Variants in TANC2 observed in about 807,000 individuals in gnomAD.
TANC2 encodes protein TANC2.
In TANC2, 26 loss-of-function variants were observed where a neutral mutation model predicts 210.5. The observed-to-expected ratio is 0.12, with a 90% CI of 0.09 to 0.17. TANC2 has a LOEUF of 0.17. Ranked by LOEUF, TANC2 falls within the 10% of genes least tolerant of loss-of-function variation. The pLI is 1.00. For synonymous variants in TANC2, 931 were observed against 967.1 expected (o/e 0.96, Z 0.69); for missense variants, 2,129 against 2,608.9 (o/e 0.82, Z 4.01).
exon 3 of TANC2, chr17:63,073,961 C>T (rs1407515069): frequency 2.5e-6 from 4 of 1,587,954 alleles, no homozygotes; most frequent in Non-Finnish European, 3.4e-6. Flanking sequence ...AGCGAGGAAC[C>T]ACCGGATCGA....
rs1162117818 is a variant in TANC2, at chr17:63,118,776, A to ATT, written c.322+19439_322+19440dup. ...AGGCATGTGCCACCATATCCAACTA[A>ATT]TTTTTTTTTTTTTTTTTTTTTGAGA... On this transcript the variant is annotated intron_variant, in intron 4 of 27. Coordinates refer to ENST00000689528, the Ensembl canonical transcript of TANC2. Among the ~76,000 whole-genome samples, 1,000 of 125,656 alleles carry ATT rather than the reference A, an allele frequency of 8.0e-3. 24 individuals carry two copies. Among genetic ancestry groups the ATT allele is most frequent in the African/African-American group, 0.022 (728 of 32,652 alleles). The allele number at this position is 125,656 out of a possible 152,430, so 82.4% of individuals were successfully genotyped here. A position where few individuals can be genotyped will look rare whatever the true frequency, so the allele number is the denominator to read the frequency against.
chr17:63,329,485 C>T (rs1007196523), intron 11 of TANC2, among the ~76,000 whole-genome samples: 1 of 152,178 alleles, frequency 6.6e-6, no homozygotes, highest in South Asian at 2.1e-4. Context: ...AAAAACTATT[C>T]TGTTGTCAAG....
chr17:63,398,521 T>C (rs1406561474), intron 18 of TANC2, among the ~76,000 whole-genome samples: 2 of 152,096 alleles, frequency 1.3e-5, no homozygotes, highest in Non-Finnish European at 2.9e-5. Context: ...ATGGCTTTTT[T>C]ATAGGGAGGA....
chr17:63,302,876 G>A (rs1017804629), intron 9 of TANC2, among the ~76,000 whole-genome samples: 1 of 152,004 alleles, frequency 6.6e-6, no homozygotes, highest in Non-Finnish European at 1.5e-5. Flanking sequence ...GGATCCTCCT[G>A]CCTCAGCCCC....
intron 25 of TANC2, among the ~76,000 whole-genome samples, chr17:63,415,200 C>G (rs1413584282): frequency 6.6e-6 from 1 of 152,178 alleles, no homozygotes; most frequent in African/African-American, 2.4e-5. Flanking sequence ...TTATAGAGAG[C>G]AAAGGAACTT....
chr17:63,313,448 C>T (rs947337313), intron 9 of TANC2: 2 of 152,144 alleles, frequency 1.3e-5, no homozygotes, highest in African/African-American at 4.8e-5. Context: ...TTTTAAAGCA[C>T]GTCACATCAA....
intron 9 of TANC2, among the ~76,000 whole-genome samples, chr17:63,299,817 T>C (rs1260265544): frequency 1.3e-5 from 2 of 152,222 alleles, no homozygotes; most frequent in Non-Finnish European, 2.9e-5. Context: ...TTGGCTTTTA[T>C]GGCAATTATT....
At chr17:63,005,261 T>A (rs2033566747) in intron 1 of TANC2, 1 of 152,246 alleles carries the variant, frequency 6.6e-6, no homozygotes, top group African/African-American at 2.4e-5. Flanking sequence ...GTAGTGTAGG[T>A]CTTTTTCTGG....
In TANC2 at chr17:63,418,356, C is replaced by T. The variant is rs1005228380; in HGVS notation, c.4217C>T (p.Pro1406Leu). The change falls in exon 27 of 28, where the codon CCG becomes CTG. Residue 1406 changes from proline (P) to leucine (L), a missense_variant. Pro to Leu is a moderately conservative substitution (Grantham distance 98). This residue lies in a region of TANC2 where 644 missense variants were observed against 937.5 expected (regional missense o/e 0.69). Transcript: ENST00000689528. This position sits in a 1 kb window ranked among gnomAD's most constrained non-coding sequence, Gnocchi z 4.6. ...GCTACTAAGGCCCTGGAGCTGAAAC[C>T]GAAATCTTATGAAGCTTACTATGCG... The T allele has an allele frequency of 2.5e-6, 4 of 1,613,212 alleles. No individual in the cohort carries two copies. The highest frequency in any genetic ancestry group is 2.7e-5 in the African/African-American group (2 of 74,906).
chr17:62,984,435 G>T (rs2032465929), intron 1 of TANC2, among the ~76,000 whole-genome samples: 1 of 151,594 alleles, frequency 6.6e-6, no homozygotes, highest in African/African-American at 2.4e-5. Context: ...TTGATCTTTA[G>T]TATTTTTTTT....
intron 9 of TANC2, among the ~76,000 whole-genome samples, chr17:63,310,813 G>A (rs192993337): frequency 1.3e-5 from 2 of 152,292 alleles, no homozygotes; most frequent in East Asian, 1.9e-4. Flanking sequence ...GAGACTGAGA[G>A]GGATATGGTC....
At chr17:63,241,836 G>A (rs2460110) in intron 8 of TANC2, among the ~76,000 whole-genome samples, 91,116 of 152,024 alleles carry the variant, frequency 0.6, 29,736 homozygotes, top group African/African-American at 0.86. Context: ...TAAAAATTCC[G>A]TGAGAGGACA....
At chr17:63,012,972 AT>A (rs1270962925) in intron 2 of TANC2, among the ~76,000 whole-genome samples, 1 of 152,052 alleles carries the variant, frequency 6.6e-6, no homozygotes, top group Non-Finnish European at 1.5e-5. Flanking sequence ...CTCTTTTAGA[AT>A]TTACTTTAGT....
intron 8 of TANC2, among the ~76,000 whole-genome samples, chr17:63,252,360 T>C (rs1262820777): frequency 6.6e-6 from 1 of 152,172 alleles, no homozygotes; most frequent in African/African-American, 2.4e-5. Flanking sequence ...TGATTATTTT[T>C]GTTGCAAACG....
At chr17:63,218,655 G>A (rs1182590914) in intron 7 of TANC2, among the ~76,000 whole-genome samples, 2 of 152,128 alleles carry the variant, frequency 1.3e-5, no homozygotes, top group Admixed American at 6.6e-5. Context: ...CAGTACTTTG[G>A]GAGGCTGAGG....
chr17:63,367,850 C>T (rs1315622625), intron 14 of TANC2, among the ~76,000 whole-genome samples: 1 of 152,118 alleles, frequency 6.6e-6, no homozygotes, highest in Non-Finnish European at 1.5e-5. Context: ...ATATTTAAGA[C>T]TTTATAATTC....
At chr17:63,162,693 G>A (rs942200582) in intron 5 of TANC2, among the ~76,000 whole-genome samples, 3 of 152,120 alleles carry the variant, frequency 2.0e-5, no homozygotes, top group African/African-American at 7.2e-5. Flanking sequence ...TAGATATGGT[G>A]ACGTGAGCTG....
rs376119467 is a variant in TANC2, at chr17:63,420,323, C to G, written c.4593C>G (p.Pro1531=). 2 of 1,613,846 alleles carry G rather than the reference C, an allele frequency of 1.2e-6. No homozygotes were observed. The highest frequency in any genetic ancestry group is 1.7e-6 in the Non-Finnish European group (2 of 1,179,870). The change falls in exon 28 of 28, where the codon CCC becomes CCG. Residue 1531 remains proline, a synonymous_variant. Coordinates refer to ENST00000689528, the Ensembl canonical transcript of TANC2. The surrounding 1 kb of genome is among the most constrained non-coding windows in gnomAD (Gnocchi z 4.2). The stretch of plus-strand genomic sequence containing the variant: ...TCATCCAGAGCCCACCCTCCTCTCC[C>G]CCGCATCGGGACTCAGCCTACATCT...
At position 63,253,380 on chromosome 17, in the gene TANC2, A is replaced by G. The variant is rs531422075; in HGVS notation, c.1034-14368A>G. Among the ~76,000 whole-genome samples the G allele has an allele frequency of 5.1e-4, 77 of 152,246 alleles. 1 individual carries two copies. Among genetic ancestry groups the G allele is most frequent in the African/African-American group, 1.7e-3 (71 of 41,534 alleles). On this transcript the variant is annotated intron_variant, in intron 8 of 27. Coordinates refer to ENST00000689528, the Ensembl canonical transcript of TANC2. ...GGATAGTTTGCACATATTTTCTCCCATTCTGTGGGTTGTCTCTTCACTTTG... is the reference window on the plus strand; with the variant it reads ...GGATAGTTTGCACATATTTTCTCCCGTTCTGTGGGTTGTCTCTTCACTTTG...
Sources: gnomAD v4.1 joint callset for allele counts (sites outside exome capture counted in the v4.1 genomes callset) on GRCh38, gnomAD v4.1.1 for gene constraint, gnomAD v4.1.1 regional missense constraint, Gnocchi (gnomAD v3.1) non-coding constraint, MANE v1.5 for transcripts, NCBI Gene and HGNC (gene_info 2026-07-23, HGNC 2026-07-21) for gene names.